Variants in MYRF observed in about 807,000 individuals in gnomAD.
The protein encoded by MYRF is myelin gene regulatory factor.
A neutral mutation model predicts 126.3 loss-of-function variants in MYRF; 16 were observed. The observed-to-expected ratio is 0.13, with a 90% CI of 0.09 to 0.19. The LOEUF (loss-of-function observed/expected upper bound fraction) is 0.19. MYRF is among the 10% of genes least tolerant of loss of function. The probability of loss-of-function intolerance (pLI) is 1.00; values close to 1 mark genes in which losing one functional copy is unlikely to be tolerated. For synonymous variants in MYRF, 608 were observed against 635.3 expected (o/e 0.96, Z 0.65); for missense variants, 1,104 against 1,547.0 (o/e 0.71, Z 4.80).
At chr11:61,774,720 G>A (rs539755253) in intron 8 of MYRF, among the ~76,000 whole-genome samples, 11 of 147,276 alleles carry the variant, frequency 7.5e-5, no homozygotes, top group South Asian at 4.4e-4. Context: ...CCTCCCTTTC[G>A]CCCTGTGCCT....
At position 61,757,839 on chromosome 11, in the gene MYRF, G is replaced by A. The variant is rs928818122; in HGVS notation, c.46+5049G>A. On this transcript the variant is annotated intron_variant, in intron 1 of 26. Transcript: ENST00000278836. This position sits in a 1 kb window ranked among gnomAD's most constrained non-coding sequence, Gnocchi z 4.7. ...TGAGGCAGGACAGGAAGGCGATGAT[G>A]TGTCAGGCTCCCTCAAGGTGGCCAC... is the stretch of plus-strand genomic sequence containing the variant. Among the ~76,000 whole-genome samples the A allele has an allele frequency of 1.3e-5, 2 of 152,172 alleles. No homozygotes were observed. Among genetic ancestry groups the A allele is most frequent in the African/African-American group, 2.4e-5 (1 of 41,430 alleles).
In MYRF at chr11:61,777,230, C is replaced by G. The variant is rs2066408629; in HGVS notation, c.1591-34C>G. On this transcript the variant is annotated intron_variant, in intron 11 of 26. Coordinates refer to ENST00000278836, the MANE Select transcript of MYRF (RefSeq NM_001127392.3). This position sits in a 1 kb window ranked among gnomAD's most constrained non-coding sequence, Gnocchi z 8.8. ...AGGGCCCTGCAGGTCCCCTCCCTAT[C>G]CCCCAGGACTGATCCAGCCCCAACT... The G allele has an allele frequency of 4.4e-6, 7 of 1,593,982 alleles. No homozygotes were observed. In the Admixed American group the frequency reaches 1.2e-4, roughly 27 times the overall value.
chr11:61,771,546 C>A lies in MYRF; in HGVS notation c.787C>A (p.Pro263Thr). 1 of 1,614,016 alleles carries A rather than the reference C, an allele frequency of 6.2e-7. No individual in the cohort carries two copies. The highest frequency in any genetic ancestry group is 8.5e-7 in the Non-Finnish European group (1 of 1,179,964). ...SKKRKHSESP[P>T]STLNAQMLNG... ...GAAGAGGAAGCACTCTGAATCCCCC[C>A]CCAGCACCCTCAATGCCCAGATGCT... The change falls in exon 6 of 27, where the codon CCC becomes ACC. Residue 263 changes from proline (P) to threonine (T), a missense_variant. Pro to Thr is a conservative substitution (Grantham distance 38). Coordinates refer to ENST00000278836, the MANE Select transcript of MYRF (RefSeq NM_001127392.3).
intron 1 of MYRF, among the ~76,000 whole-genome samples, chr11:61,763,360 C>G (rs2065954589): frequency 6.6e-6 from 1 of 152,220 alleles, no homozygotes; most frequent in Non-Finnish European, 1.5e-5. Context: ...AGAATCGTCC[C>G]TGGCCTGGTA....
At position 61,787,406 on chromosome 11, in the gene MYRF, T is replaced by C. The variant is rs2066719885; in HGVS notation, c.*1263T>C. 6.6e-6 allele frequency: 1 copy of C among 152,456 alleles called. No individual in the cohort carries two copies. The allele number at this position is 152,456 out of a possible 1,614,324, so 9.4% of individuals were successfully genotyped here. ...GCTCATGGAAGGAGTGTAGTATTCA[T>C]TTAGCCATGTCTGCCATGGGTCCAG... is the stretch of plus-strand genomic sequence containing the variant. On this transcript the variant is annotated 3_prime_UTR_variant, in exon 27 of 27. Transcript: ENST00000278836.
chr11:61,755,548 G>C (rs1013438086), intron 1 of MYRF: 1 of 1,389,808 alleles, frequency 7.2e-7, no homozygotes, highest in Non-Finnish European at 1.0e-6. Flanking sequence ...TCTGGTGCAG[G>C]CTGGACCACT....
In MYRF at chr11:61,777,489, G is replaced by A; in HGVS notation, c.1791+25G>A. On this transcript the variant is annotated intron_variant, in intron 12 of 26. Transcript: ENST00000278836. This position sits in a 1 kb window ranked among gnomAD's most constrained non-coding sequence, Gnocchi z 8.8. ...GGTGGGGACAGGGCTGTGGGGGCCGGGCGGGTCCAGACGCTGGAGCGGGCC... is the reference window on the plus strand; with the variant it reads ...GGTGGGGACAGGGCTGTGGGGGCCGAGCGGGTCCAGACGCTGGAGCGGGCC... The A allele has an allele frequency of 6.4e-7, 1 of 1,573,966 alleles. No individual in the cohort carries two copies. Among genetic ancestry groups the A allele is most frequent in the Non-Finnish European group, 8.6e-7 (1 of 1,159,632 alleles).
intron 1 of MYRF, among the ~76,000 whole-genome samples, chr11:61,764,199 A>G (rs1181655430): frequency 1.3e-5 from 2 of 152,194 alleles, no homozygotes; most frequent in East Asian, 3.9e-4. Flanking sequence ...TTAGCCGCTC[A>G]TTAATCACCT....
In MYRF at chr11:61,777,707, T is replaced by A. The variant is rs1353283676; in HGVS notation, c.1792-27T>A. 1 of 1,543,762 alleles carries A rather than the reference T, an allele frequency of 6.5e-7. No individual in the cohort carries two copies. Among genetic ancestry groups the A allele is most frequent in the South Asian group, 1.2e-5 (1 of 83,788 alleles). ...TGCTCCGGGACGGCCGCAGGAGGGG[T>A]TCATTCCCGGGCCTGGCTCCCCGCA... On this transcript the variant is annotated intron_variant, in intron 12 of 26. Coordinates refer to ENST00000278836, the MANE Select transcript of MYRF (RefSeq NM_001127392.3). The surrounding 1 kb of genome is among the most constrained non-coding windows in gnomAD (Gnocchi z 8.8).
chr11:61,770,698 T>C (rs1217083404), intron 5 of MYRF, among the ~76,000 whole-genome samples, 173 bp downstream of exon 5: 1 of 152,154 alleles, frequency 6.6e-6, no homozygotes, highest in Non-Finnish European at 1.5e-5. Flanking sequence ...TACCCAGCAA[T>C]ACCTTGAGGG....
chr11:61,772,066 G>A (rs758927592), intron 7 of MYRF, 114 bp downstream of exon 7: 682 of 1,440,816 alleles, frequency 4.7e-4, no homozygotes, highest in Non-Finnish European at 6.1e-4. Flanking sequence ...TTTCACAGAA[G>A]AGCAAACAGG....
Position 61,778,344 on chromosome 11 carries a change from C to A in MYRF, c.1904-36C>A. 1 of 1,394,246 alleles carries A rather than the reference C, an allele frequency of 7.2e-7. No individual in the cohort carries two copies. Among genetic ancestry groups the A allele is most frequent in the South Asian group, 1.2e-5 (1 of 86,762 alleles). 86.4% of individuals were successfully genotyped at this position (1,394,246 alleles called of 1,614,324 possible). Reference sequence around the variant, plus strand: ...AAAGCTGTGAGTAGCCCTTTACCACCCCCCCACCCATCTTTGGCTTGTCCC... The same window carrying A: ...AAAGCTGTGAGTAGCCCTTTACCACACCCCCACCCATCTTTGGCTTGTCCC... On this transcript the variant is annotated intron_variant, in intron 13 of 26. Coordinates refer to ENST00000278836, the MANE Select transcript of MYRF (RefSeq NM_001127392.3). This position sits in a 1 kb window ranked among gnomAD's most constrained non-coding sequence, Gnocchi z 4.6.
Position 61,780,702 on chromosome 11 carries a change from T to G in MYRF, c.2406-10T>G. ...CCTGTCTCACCCTTTGCCTTTTTGC[T>G]GCCCCTTAGCTCTTTTGCCGTGTCC... On this transcript the variant is annotated splice_polypyrimidine_tract_variant and intron_variant, in intron 18 of 26. Transcript: ENST00000278836. The G allele has an allele frequency of 6.5e-7, 1 of 1,550,108 alleles. No homozygotes were observed. The highest frequency in any genetic ancestry group is 8.7e-7 in the Non-Finnish European group (1 of 1,147,004).
At position 61,777,877 on chromosome 11, in the gene MYRF, G is replaced by A. The variant is rs1223174735; in HGVS notation, c.1903+32G>A. On this transcript the variant is annotated intron_variant, in intron 13 of 26. Transcript: ENST00000278836. This position sits in a 1 kb window ranked among gnomAD's most constrained non-coding sequence, Gnocchi z 8.8. ...ACCGGGCTGGTGCGGACTGGGGTCC[G>A]GAAACCCAGAAACCTCGGGCCTCAG... 4 of 1,527,292 alleles carry A rather than the reference G, an allele frequency of 2.6e-6. No homozygotes were observed. In the South Asian group the frequency reaches 4.8e-5, roughly 18 times the overall value. 94.6% of individuals were successfully genotyped at this position (1,527,292 alleles called of 1,614,324 possible).
At chr11:61,767,471 C>T (rs759230804) in intron 3 of MYRF, 2 of 456,112 alleles carry the variant, frequency 4.4e-6, no homozygotes, top group South Asian at 3.1e-5. Flanking sequence ...CACAGGGACT[C>T]TGTGGGCAGG....
chr11:61,761,264 G>GGA (rs1028032309), intron 1 of MYRF, among the ~76,000 whole-genome samples: 6 of 151,584 alleles, frequency 4.0e-5, no homozygotes, highest in African/African-American at 1.5e-4. Context: ...GCTGGTGGGG[G>GGA]GGGGGGCACA....
chr11:61,763,654 A>G (rs1024890194), intron 1 of MYRF, among the ~76,000 whole-genome samples: 5 of 152,192 alleles, frequency 3.3e-5, no homozygotes, highest in African/African-American at 4.8e-5. Context: ...ACCTGAGGTC[A>G]GGAGTTCAAG....
In MYRF at chr11:61,778,163, GCCCCA is replaced by G. The variant is rs912793974; in HGVS notation, c.1904-211_1904-207del. 2.6e-5 allele frequency among the ~76,000 whole-genome samples: 4 copies of G among 151,932 alleles called. No individual in the cohort carries two copies. The highest frequency in any genetic ancestry group is 7.3e-5 in the African/African-American group (3 of 41,346). Reference sequence around the variant, plus strand: ...CTGGGATCCTTACCCCCAGGAATCCGCCCCACCCCAGCCCAGGAACCTCACACCTG... The same window carrying G: ...CTGGGATCCTTACCCCCAGGAATCCGCCCCAGCCCAGGAACCTCACACCTG... On this transcript the variant is annotated intron_variant, in intron 13 of 26. Coordinates refer to ENST00000278836, the MANE Select transcript of MYRF (RefSeq NM_001127392.3). The surrounding 1 kb of genome is among the most constrained non-coding windows in gnomAD (Gnocchi z 4.6).
intron 4 of MYRF, 59 bp downstream of exon 4, chr11:61,769,380 C>A: frequency 1.4e-6 from 2 of 1,384,086 alleles, no homozygotes; most frequent in Non-Finnish European, 2.0e-6. Flanking sequence ...TTGGGGCGGC[C>A]TTATCAGGGA....
Sources: allele counts gnomAD v4.1 joint callset (sites outside exome capture counted in the v4.1 genomes callset), GRCh38; gene constraint gnomAD v4.1.1; non-coding constraint Gnocchi (gnomAD v3.1); transcripts MANE v1.5; gene names NCBI Gene and HGNC (gene_info 2026-07-23, HGNC 2026-07-21).